The following SLC35F3 variants were observed in gnomAD, a reference collection of about 807,000 sequenced individuals.
The protein encoded by SLC35F3 is solute carrier family 35 member F3.
A neutral mutation model predicts 49.9 loss-of-function variants in SLC35F3; 25 were observed. That is an observed-to-expected ratio of 0.50 (90% confidence interval 0.37 to 0.70). The LOEUF (loss-of-function observed/expected upper bound fraction) is 0.70, where lower values mean the gene tolerates loss of function less well. SLC35F3 is among the 30% of genes least tolerant of loss of function. The pLI is 0.00. For synonymous variants in SLC35F3, 275 were observed against 265.4 expected (o/e 1.04, Z -0.35); for missense variants, 525 against 639.8 (o/e 0.82, Z 1.94).
chr1:234,253,457 TA>T (rs59259237), intron 3 of SLC35F3, among the ~76,000 whole-genome samples: 3 of 147,766 alleles, frequency 2.0e-5, no homozygotes, highest in African/African-American at 2.5e-5. Flanking sequence ...CATTTGAATT[TA>T]AAAAAAAAAA....
intron 2 of SLC35F3, among the ~76,000 whole-genome samples, chr1:234,128,343 G>A (rs1237741638): frequency 2.6e-5 from 4 of 152,160 alleles, no homozygotes; most frequent in Admixed American, 6.5e-5. Flanking sequence ...AGAAGATTCA[G>A]GCGCTGAAAG....
intron 2 of SLC35F3, among the ~76,000 whole-genome samples, chr1:234,053,644 T>C (rs915552273): frequency 6.6e-6 from 1 of 152,200 alleles, no homozygotes; most frequent in African/African-American, 2.4e-5. Flanking sequence ...CATTTACATT[T>C]AAGGTTAATA....
At chr1:234,253,244 T>G (rs1667765433) in intron 3 of SLC35F3, among the ~76,000 whole-genome samples, 1 of 152,076 alleles carries the variant, frequency 6.6e-6, no homozygotes, top group Non-Finnish European at 1.5e-5. Flanking sequence ...GAGGATCACT[T>G]GAACCCGGGA....
intron 3 of SLC35F3, among the ~76,000 whole-genome samples, chr1:234,290,757 G>A (rs1411330669): frequency 6.6e-6 from 1 of 152,218 alleles, no homozygotes; most frequent in Non-Finnish European, 1.5e-5. Flanking sequence ...TATTATAGAG[G>A]TTGAGAGACT....
At chr1:233,970,239 C>G (rs1662970975) in intron 2 of SLC35F3, among the ~76,000 whole-genome samples, 1 of 152,146 alleles carries the variant, frequency 6.6e-6, no homozygotes, top group Admixed American at 6.5e-5. Flanking sequence ...CGGCCACCTT[C>G]TGGGGGTCTT....
intron 2 of SLC35F3, among the ~76,000 whole-genome samples, chr1:233,994,135 T>A (rs1663417970): frequency 6.6e-6 from 1 of 152,224 alleles, no homozygotes; most frequent in Non-Finnish European, 1.5e-5. Context: ...CTTGCCGTGT[T>A]ATTGGCATAG....
intron 2 of SLC35F3, among the ~76,000 whole-genome samples, chr1:234,209,063 G>A (rs1363421630): frequency 1.3e-5 from 2 of 152,154 alleles, no homozygotes; most frequent in Non-Finnish European, 2.9e-5. Flanking sequence ...TAATACTAAA[G>A]TCAAGACAGA....
chr1:233,948,542 GTTTCTTTTTTTTT>G (rs1662553527), intron 2 of SLC35F3, among the ~76,000 whole-genome samples: 1 of 147,778 alleles, frequency 6.8e-6, no homozygotes, highest in Non-Finnish European at 1.5e-5. Flanking sequence ...TAGGTAAGGC[GTTTCTTTTTTTTT>G]TTTCTTTTTT....
chr1:234,218,376 G>A (rs1667154261), intron 2 of SLC35F3, among the ~76,000 whole-genome samples: 1 of 152,186 alleles, frequency 6.6e-6, no homozygotes, highest in African/African-American at 2.4e-5. Context: ...TGTCATGCTA[G>A]GTGAGTGATT....
At chr1:233,985,338 T>A (rs1258313304) in intron 2 of SLC35F3, among the ~76,000 whole-genome samples, 1 of 152,238 alleles carries the variant, frequency 6.6e-6, no homozygotes, top group Non-Finnish European at 1.5e-5. Flanking sequence ...TTGTGCTCCA[T>A]GCAGAGTCTT....
chr1:234,132,254 A>G (rs1479249540), intron 2 of SLC35F3, among the ~76,000 whole-genome samples: 2 of 152,170 alleles, frequency 1.3e-5, no homozygotes, highest in African/African-American at 2.4e-5. Context: ...CTGCTTCAAC[A>G]TGATTTGTAA....
In SLC35F3 at chr1:234,232,205, C is replaced by G. The variant is rs752065348; in HGVS notation, c.608+464C>G. 3.9e-5 allele frequency among the ~76,000 whole-genome samples: 6 copies of G among 152,250 alleles called. No homozygotes were observed. The East Asian group carries it at 1.2e-3, about 29-fold the overall frequency. On this transcript the variant is annotated intron_variant, in intron 3 of 7. Coordinates refer to ENST00000366618, the MANE Select transcript of SLC35F3 (RefSeq NM_173508.4). ...TCTTTCTAATCCCAAGACATGCCCC[C>G]CTTCGCGTATGTAATTGCATGGGTC...
chr1:234,223,061 C>T (rs199548676), intron 2 of SLC35F3, among the ~76,000 whole-genome samples: 24 of 152,314 alleles, frequency 1.6e-4, no homozygotes, highest in African/African-American at 4.6e-4. Flanking sequence ...CAAGAGGAGG[C>T]GCTGACTCTT....
chr1:234,122,066 C>G (rs1266598871), intron 2 of SLC35F3, among the ~76,000 whole-genome samples: 2 of 152,170 alleles, frequency 1.3e-5, no homozygotes, highest in African/African-American at 4.8e-5. Flanking sequence ...GATTTATAAT[C>G]CTTTGGGTAT....
At position 234,214,553 on chromosome 1, in the gene SLC35F3, C is replaced by G; in HGVS notation, c.284-16864C>G. On this transcript the variant is annotated intron_variant, in intron 2 of 7. Coordinates refer to ENST00000366618, the MANE Select transcript of SLC35F3 (RefSeq NM_173508.4). The surrounding 1 kb of genome is among the most constrained non-coding windows in gnomAD (Gnocchi z 8.0). ...GCTCAGCGCCTGCAACAGTCCGGTCCTGACCCTTACCAAAGTGGAAGGTAA... is the reference window on the plus strand; with the variant it reads ...GCTCAGCGCCTGCAACAGTCCGGTCGTGACCCTTACCAAAGTGGAAGGTAA... The G allele has an allele frequency of 6.4e-7, 1 of 1,559,210 alleles. No homozygotes were observed. Among genetic ancestry groups the G allele is most frequent in the Non-Finnish European group, 8.7e-7 (1 of 1,155,126 alleles).
chr1:234,133,860 C>T (rs1424828500), intron 2 of SLC35F3, among the ~76,000 whole-genome samples: 1 of 152,200 alleles, frequency 6.6e-6, no homozygotes, highest in Non-Finnish European at 1.5e-5. Context: ...ACAGAAAGAA[C>T]ACCTGCTATG....
chr1:234,247,180 G>A (rs1423243566), intron 3 of SLC35F3, among the ~76,000 whole-genome samples: 1 of 152,212 alleles, frequency 6.6e-6, no homozygotes, highest in Admixed American at 6.5e-5. Context: ...AAAAAGAAGA[G>A]AAACTCTGTG....
At chr1:234,140,947 A>T (rs1023727366) in intron 2 of SLC35F3, among the ~76,000 whole-genome samples, 2 of 152,206 alleles carry the variant, frequency 1.3e-5, no homozygotes, top group African/African-American at 4.8e-5. Context: ...ATGCTTGAAA[A>T]TTTCAAAGAG....
At chr1:233,984,237 T>C (rs1000736046) in intron 2 of SLC35F3, among the ~76,000 whole-genome samples, 1 of 152,224 alleles carries the variant, frequency 6.6e-6, no homozygotes, top group East Asian at 1.9e-4. Flanking sequence ...CTCTGTAAGA[T>C]TTGGGCTAAA....
Sources: allele counts gnomAD v4.1 joint callset (sites outside exome capture counted in the v4.1 genomes callset), GRCh38; gene constraint gnomAD v4.1.1; non-coding constraint Gnocchi (gnomAD v3.1); transcripts MANE v1.5; gene names NCBI Gene and HGNC (gene_info 2026-07-23, HGNC 2026-07-21).